COL24A1: variants seen among roughly 807,000 people sequenced by gnomAD.
The protein encoded by COL24A1 is collagen type XXIV alpha 1 chain, also known as collagen alpha-1(XXIV) chain.
In COL24A1, 224 loss-of-function variants were observed where a neutral mutation model predicts 253.9. The ratio of observed to expected loss-of-function variants is 0.88; its 90% CI spans 0.79 to 0.99. The LOEUF (loss-of-function observed/expected upper bound fraction) is 0.99. Ranked by LOEUF, COL24A1 falls within the 50% of genes least tolerant of loss-of-function variation. The pLI is 0.00. For synonymous variants in COL24A1, 685 were observed against 673.7 expected, an observed-to-expected ratio of 1.02 and a Z score of -0.26; for missense variants, 2,131 against 2,068.5, an observed-to-expected ratio of 1.03 and a Z score of -0.59.
At chr1:85,834,702 C>A (rs1010542482) in intron 43 of COL24A1, among the ~76,000 whole-genome samples, 3 of 152,124 alleles carry the variant, frequency 2.0e-5, no homozygotes, top group African/African-American at 4.8e-5. Flanking sequence ...TTGAGTTAAT[C>A]TTGGCTATTT....
At chr1:85,743,571 A>G (rs972857680) in intron 57 of COL24A1, among the ~76,000 whole-genome samples, 4 of 152,122 alleles carry the variant, frequency 2.6e-5, no homozygotes, top group African/African-American at 9.7e-5. Context: ...GATTTTTTGA[A>G]CACTGCACAA....
intron 7 of COL24A1, among the ~76,000 whole-genome samples, chr1:86,066,359 C>A (rs1428397313): frequency 6.6e-6 from 1 of 151,530 alleles, no homozygotes; most frequent in Non-Finnish European, 1.5e-5. Flanking sequence ...CTGCCTCAGC[C>A]TCCGGAGTAG....
intron 58 of COL24A1, chr1:85,736,350 C>T (rs975833018): frequency 6.6e-6 from 3 of 456,250 alleles, no homozygotes; most frequent in Non-Finnish European, 1.3e-5. Flanking sequence ...AGTCCGCTTC[C>T]CCACTGCTCC....
intron 47 of COL24A1, among the ~76,000 whole-genome samples, chr1:85,791,826 G>C (rs1670305122): frequency 2.0e-5 from 3 of 151,692 alleles, no homozygotes; most frequent in Admixed American, 1.3e-4. Context: ...CTTACAATAG[G>C]GAACTGTAAT....
At chr1:85,988,378 A>G (rs551442942) in intron 19 of COL24A1, among the ~76,000 whole-genome samples, 1 of 152,196 alleles carries the variant, frequency 6.6e-6, no homozygotes, top group East Asian at 1.9e-4. Flanking sequence ...TCAAGAAATG[A>G]AAAAGAAATA....
At chr1:86,019,294 C>T (rs558085351) in intron 18 of COL24A1, among the ~76,000 whole-genome samples, 17 of 152,198 alleles carry the variant, frequency 1.1e-4, no homozygotes, top group African/African-American at 3.9e-4. Flanking sequence ...CAGTGGCTCA[C>T]ACCTATAATC....
chr1:85,961,833 C>T (rs773120583), intron 23 of COL24A1, among the ~76,000 whole-genome samples: 9 of 152,030 alleles, frequency 5.9e-5, no homozygotes, highest in African/African-American at 9.7e-5. Flanking sequence ...TGTCAGATCT[C>T]GTGAGAACTC....
chr1:86,125,363 C>T lies in COL24A1; in HGVS notation c.973G>A (p.Val325Met), dbSNP rs1261175795. The T allele has an allele frequency of 6.2e-7, 1 of 1,613,524 alleles. No individual in the cohort carries two copies. ...SSLQSGNVSA[V>M]DLTNHGIQAK... ...TGAATCCCATGGTTTGTGAGATCCA[C>T]AGCAGAGACATTTCCTGACTGAAGA... Residue 325 changes from valine (V) to methionine (M), a missense_variant, in exon 3 of 60, where the codon GTG (valine) becomes ATG (methionine). By Grantham distance (21) the Val-to-Met change is conservative (BLOSUM62 1). Coordinates refer to ENST00000370571, the MANE Select transcript of COL24A1 (RefSeq NM_152890.7).
intron 2 of COL24A1, among the ~76,000 whole-genome samples, chr1:86,133,620 G>T (rs186024278): frequency 2.6e-5 from 4 of 152,152 alleles, no homozygotes; most frequent in African/African-American, 9.7e-5. Context: ...TGTGGTTTTC[G>T]TCATTGGCTC....
chr1:86,083,255 A>G lies in COL24A1; in HGVS notation c.1707+5919T>C, dbSNP rs1358621928. Among the ~76,000 whole-genome samples the G allele has an allele frequency of 3.3e-5, 5 of 151,894 alleles. 1 individual carries two copies. Among genetic ancestry groups the G allele is most frequent in the Admixed American group, 2.6e-4 (4 of 15,234 alleles). On this transcript the variant is annotated intron_variant, in intron 7 of 59. Transcript: ENST00000370571. The stretch of plus-strand genomic sequence containing the variant: ...GGAGCTTGCAGTGAGCCGAGATTGC[A>G]CCACTGCACTCCAGCCTGGGCGACA...
intron 9 of COL24A1, 98 bp downstream of exon 9, chr1:86,059,023 A>T: frequency 1.4e-6 from 1 of 712,406 alleles, no homozygotes; most frequent in Non-Finnish European, 2.2e-6. Flanking sequence ...TTCATTATTT[A>T]ATAAAAAAAC....
chr1:85,987,604 T>C lies in COL24A1; in HGVS notation c.2361A>G (p.Pro787=), dbSNP rs1369614985. Reference sequence around the variant, plus strand: ...TCTCTCTTCTTCTTCTTCTTACCTTTGGTCCTTCAGGGCCGTTTTGTCCAG... The same window carrying C: ...TCTCTCTTCTTCTTCTTCTTACCTTCGGTCCTTCAGGGCCGTTTTGTCCAG... ...GIPGQNGPEG[P]KGLLGNRGPP... Residue 787 remains proline (P), a synonymous_variant, in exon 20 of 60, where the codon CCA becomes CCG. Transcript: ENST00000370571. 2.5e-6 allele frequency: 4 copies of C among 1,610,354 alleles called. No homozygotes were observed. The highest frequency in any genetic ancestry group is 3.4e-6 in the Non-Finnish European group (4 of 1,177,558).
intron 52 of COL24A1, among the ~76,000 whole-genome samples, chr1:85,777,946 A>G (rs1024256868): frequency 2.0e-5 from 3 of 151,642 alleles, no homozygotes; most frequent in African/African-American, 7.3e-5. Context: ...TTTTTGATGG[A>G]ATGCTTTTCA....
rs764797921 is a variant in COL24A1 at position 85,784,246 on chromosome 1, A to G, written c.4167+13T>C. On this transcript the variant is annotated intron_variant, in intron 49 of 59. Transcript: ENST00000370571. ...AGAATAAATGCTTGGTGAATTTCTGAGGTGGTACATACAGGCTGCCCTTTC... is the reference window on the plus strand; with the variant it reads ...AGAATAAATGCTTGGTGAATTTCTGGGGTGGTACATACAGGCTGCCCTTTC... 4 of 1,612,996 alleles carry G rather than the reference A, an allele frequency of 2.5e-6. No homozygotes were observed. Among genetic ancestry groups the G allele is most frequent in the Non-Finnish European group, 3.4e-6 (4 of 1,179,012 alleles).
chr1:86,108,646 AAAAAT>A lies in COL24A1; in HGVS notation c.1599+3916_1599+3920del, dbSNP rs1256125723. ...AAAAAAAAAAAAAAAAAAAAAAAAAAAAAATTTTAAATTAGCCAGGCATGGTGGCA... is the reference window on the plus strand; with the variant it reads ...AAAAAAAAAAAAAAAAAAAAAAAAAATTTAAATTAGCCAGGCATGGTGGCA... On this transcript the variant is annotated intron_variant, in intron 5 of 59. Transcript: ENST00000370571. Among the ~76,000 whole-genome samples the A allele has an allele frequency of 6.8e-4, 70 of 103,620 alleles. 1 individual carries two copies. Among genetic ancestry groups the A allele is most frequent in the Middle Eastern group, 5.3e-3 (1 of 188 alleles). The allele number at this position is 103,620 out of a possible 152,430, so 68.0% of individuals were successfully genotyped here.
At chr1:85,989,982 G>A (rs1379190413) in intron 19 of COL24A1, among the ~76,000 whole-genome samples, 1 of 152,120 alleles carries the variant, frequency 6.6e-6, no homozygotes, top group Non-Finnish European at 1.5e-5. Context: ...TTCCTAATCA[G>A]ATTGTAAACT....
At chr1:85,862,756 A>ATCATTTACT (rs1276786488) in intron 37 of COL24A1, among the ~76,000 whole-genome samples, 1 of 152,204 alleles carries the variant, frequency 6.6e-6, no homozygotes, top group East Asian at 1.9e-4. Flanking sequence ...GAGTTAGATA[A>ATCATTTACT]TCATTTACTC....
At chr1:86,040,401 G>A (rs1699382347) in intron 12 of COL24A1, among the ~76,000 whole-genome samples, 2 of 150,964 alleles carry the variant, frequency 1.3e-5, no homozygotes, top group Admixed American at 1.3e-4. Context: ...TGCCATGCTG[G>A]TGTGCTGCAC....
intron 28 of COL24A1, among the ~76,000 whole-genome samples, chr1:85,902,795 G>A (rs1266177250): frequency 6.6e-6 from 1 of 152,018 alleles, no homozygotes; most frequent in Non-Finnish European, 1.5e-5. Flanking sequence ...GAGGTTAGTG[G>A]GTACAAACAT....
Sources: gnomAD v4.1 joint callset for allele counts (sites outside exome capture counted in the v4.1 genomes callset) on GRCh38, gnomAD v4.1.1 for gene constraint, MANE v1.5 for transcripts, NCBI Gene and HGNC (gene_info 2026-07-23, HGNC 2026-07-21) for gene names.